CDKN2B-AS1: variants seen among roughly 807,000 people sequenced by gnomAD.
CDKN2B-AS1 encodes CDKN2B antisense RNA 1 (non-protein coding).
At chr9:22,052,497 A>G (rs911804889) in intron 3 of CDKN2B-AS1, among the ~76,000 whole-genome samples, 5 of 152,224 alleles carry the variant, frequency 3.3e-5, no homozygotes, top group African/African-American at 1.2e-4. Flanking sequence ...TTACAGAAGC[A>G]TTGAGAATTT....
intron 1 of CDKN2B-AS1, among the ~76,000 whole-genome samples, chr9:22,011,057 C>T (rs1346852431): frequency 1.3e-5 from 2 of 152,190 alleles, no homozygotes; most frequent in Admixed American, 6.5e-5. Context: ...GAATGAAAAA[C>T]AACTTTGGGT....
rs769168016 is a variant in CDKN2B-AS1 at position 22,008,799 on chromosome 9, T to G, written n.29+13638T>G. On this transcript the variant is annotated intron_variant and non_coding_transcript_variant, in intron 1 of 4. Coordinates refer to ENST00000650946, the Ensembl canonical transcript of CDKN2B-AS1. ...GCGAGGCCCTGGGGCCCCAGCTACC[T>G]GGATCGCGCGCCTCCCGAAACGGTT... The G allele has an allele frequency of 3.1e-6, 5 of 1,605,250 alleles. No individual in the cohort carries two copies. Among genetic ancestry groups the G allele is most frequent in the Middle Eastern group, 1.7e-4 (1 of 6,060 alleles).
At chr9:22,080,477 C>T (rs1447427812) in intron 4 of CDKN2B-AS1, among the ~76,000 whole-genome samples, 3 of 152,152 alleles carry the variant, frequency 2.0e-5, no homozygotes, top group Non-Finnish European at 2.9e-5. Context: ...GGAGGGGCAG[C>T]GGGGGCAGCC....
At chr9:22,013,667 G>T (rs192375415) in intron 1 of CDKN2B-AS1, among the ~76,000 whole-genome samples, 2 of 152,256 alleles carry the variant, frequency 1.3e-5, no homozygotes, top group East Asian at 1.9e-4. Flanking sequence ...GGCCCAGGCT[G>T]GTCCCGAACT....
chr9:22,056,848 G>A (rs1302156229), intron 4 of CDKN2B-AS1, among the ~76,000 whole-genome samples: 1 of 152,050 alleles, frequency 6.6e-6, no homozygotes, highest in Non-Finnish European at 1.5e-5. Context: ...CTTCACTTTT[G>A]ATGTCTAAAT....
chr9:22,103,515 G>A (rs936420096), intron 4 of CDKN2B-AS1, among the ~76,000 whole-genome samples: 1 of 152,096 alleles, frequency 6.6e-6, no homozygotes, highest in Non-Finnish European at 1.5e-5. Flanking sequence ...GGCCCACATC[G>A]TTCGAGAATG....
intron 1 of CDKN2B-AS1, among the ~76,000 whole-genome samples, chr9:22,021,907 T>G (rs1822033550): frequency 6.6e-6 from 1 of 152,202 alleles, no homozygotes; most frequent in Non-Finnish European, 1.5e-5. Context: ...TTAATTTGAT[T>G]GTTTACCCAA....
At chr9:22,021,609 A>T (rs1288592162) in intron 1 of CDKN2B-AS1, among the ~76,000 whole-genome samples, 1 of 151,976 alleles carries the variant, frequency 6.6e-6, no homozygotes, top group Non-Finnish European at 1.5e-5. Context: ...CTTGAGCAGT[A>T]GTTTGTGGTT....
Position 22,058,057 on chromosome 9 carries a change from G to A in CDKN2B-AS1, n.438+1670G>A, listed in dbSNP as rs982689970. On this transcript the variant is annotated intron_variant and non_coding_transcript_variant, in intron 4 of 4. Transcript: ENST00000650946. Reference sequence around the variant, plus strand: ...GCTTGAAAAAAAATTAGCCAGGTGTGGTGGTGGGCACCTGTAATCCCAGCT... The same window carrying A: ...GCTTGAAAAAAAATTAGCCAGGTGTAGTGGTGGGCACCTGTAATCCCAGCT... 4.1e-5 allele frequency among the ~76,000 whole-genome samples: 4 copies of A among 97,888 alleles called. No homozygotes were observed. The Admixed American group carries it at 4.3e-4, about 10-fold the overall frequency. 64.2% of individuals were successfully genotyped at this position (97,888 alleles called of 152,430 possible).
chr9:22,020,544 T>G (rs566958003), intron 1 of CDKN2B-AS1, among the ~76,000 whole-genome samples: 2 of 152,116 alleles, frequency 1.3e-5, no homozygotes, highest in African/African-American at 4.8e-5. Context: ...CATCTGTTAT[T>G]TTTTTTGACT....
chr9:22,118,671 A>G (rs972608220), intron 4 of CDKN2B-AS1: 58 of 152,324 alleles, frequency 3.8e-4, no homozygotes, highest in African/African-American at 1.3e-3. Context: ...GACTTGGAGT[A>G]CAAGTAATAA....
chr9:22,050,828 C>T (rs1823315463), intron 3 of CDKN2B-AS1, among the ~76,000 whole-genome samples: 1 of 152,192 alleles, frequency 6.6e-6, no homozygotes, highest in African/African-American at 2.4e-5. Context: ...AATCTGATAT[C>T]ACCCTTCAAA....
intron 4 of CDKN2B-AS1, among the ~76,000 whole-genome samples, chr9:22,075,111 T>C (rs1374734870): frequency 1.3e-5 from 2 of 152,232 alleles, no homozygotes; most frequent in African/African-American, 4.8e-5. Context: ...TAAAGAGAAA[T>C]ATTAATAAGA....
At chr9:22,034,720 G>C (rs2151280) in intron 1 of CDKN2B-AS1, among the ~76,000 whole-genome samples, 1 of 151,754 alleles carries the variant, frequency 6.6e-6, no homozygotes. Context: ...AGCTTGTTTC[G>C]CTTTTGAGGG....
chr9:22,063,575 G>C (rs1253276175), intron 4 of CDKN2B-AS1, among the ~76,000 whole-genome samples: 1 of 152,202 alleles, frequency 6.6e-6, no homozygotes, highest in Non-Finnish European at 1.5e-5. Context: ...ATTTAGCCTT[G>C]TAGGTACCAA....
intron 4 of CDKN2B-AS1, among the ~76,000 whole-genome samples, chr9:22,073,407 AG>A (rs1424271564): frequency 6.6e-6 from 1 of 152,194 alleles, no homozygotes; most frequent in Non-Finnish European, 1.5e-5. Flanking sequence ...ATGCAAAATT[AG>A]CAAAAATCCC....
At chr9:22,004,240 G>A (rs1039001862) in intron 1 of CDKN2B-AS1, 1 of 232,446 alleles carries the variant, frequency 4.3e-6, no homozygotes, top group African/African-American at 2.2e-5. Flanking sequence ...ATAGGAATTG[G>A]TAGAGAAGTA....
rs1305049691 is a variant in CDKN2B-AS1, at chr9:22,000,359, TTC to T, written n.29+5200_29+5201del. Among the ~76,000 whole-genome samples, 3 of 152,226 alleles carry T rather than the reference TTC, an allele frequency of 2.0e-5. No individual in the cohort carries two copies. The highest frequency in any genetic ancestry group is 2.9e-5 in the Non-Finnish European group (2 of 68,022). On this transcript the variant is annotated intron_variant and non_coding_transcript_variant, in intron 1 of 4. Coordinates refer to ENST00000650946, the Ensembl canonical transcript of CDKN2B-AS1. This position sits in a 1 kb window ranked among gnomAD's most constrained non-coding sequence, Gnocchi z 4.1. Reference sequence around the variant, plus strand: ...CTAGAAAGGGGACGACCTTAAATCTTTCTGTTTATGGTGGTATTTAAACATAT... The same window carrying T: ...CTAGAAAGGGGACGACCTTAAATCTTTGTTTATGGTGGTATTTAAACATAT...
chr9:22,119,463 G>T (rs1452985366), intron 4 of CDKN2B-AS1: 1 of 152,038 alleles, frequency 6.6e-6, no homozygotes, highest in Admixed American at 6.6e-5. Context: ...ATCAAGTTAG[G>T]CGAGCAAAGA....
Sources: allele counts gnomAD v4.1 joint callset (sites outside exome capture counted in the v4.1 genomes callset), GRCh38; gene constraint gnomAD v4.1.1; non-coding constraint Gnocchi (gnomAD v3.1); transcripts MANE v1.5; gene names NCBI Gene and HGNC (gene_info 2026-07-23, HGNC 2026-07-21).